The following PRKN variants were observed in gnomAD, a reference collection of about 807,000 sequenced individuals.
The protein encoded by PRKN is E3 ubiquitin-protein ligase parkin.
A neutral mutation model predicts 59.5 loss-of-function variants in PRKN; 56 were observed. The observed-to-expected ratio is 0.94, with a 90% CI of 0.76 to 1.18. The LOEUF (loss-of-function observed/expected upper bound fraction) is 1.18. PRKN is among the 50% of genes most tolerant of loss of function. The pLI is 0.00. For synonymous variants in PRKN, 250 were observed against 222.1 expected (o/e 1.13, Z -1.12); for missense variants, 657 against 596.4 (o/e 1.10, Z -1.06).
At chr6:161,682,300 G>A (rs919302953) in intron 7 of PRKN, among the ~76,000 whole-genome samples, 18 of 152,210 alleles carry the variant, frequency 1.2e-4, no homozygotes, top group Admixed American at 2.6e-4. Context: ...GGGTGATGCC[G>A]GGGAGGAAAA....
intron 3 of PRKN, among the ~76,000 whole-genome samples, chr6:162,236,080 A>G (rs189119087): frequency 1.3e-5 from 2 of 152,274 alleles, no homozygotes; most frequent in African/African-American, 2.4e-5. Context: ...CCCTTTCCCC[A>G]TATGAATTAG....
chr6:162,500,658 G>A (rs1793322941), intron 1 of PRKN, among the ~76,000 whole-genome samples: 1 of 152,150 alleles, frequency 6.6e-6, no homozygotes, highest in Non-Finnish European at 1.5e-5. Context: ...AGTGCTTTCA[G>A]ACACAAAGAA....
In PRKN at chr6:161,446,401, C is replaced by T. The variant is rs951580685; in HGVS notation, c.1084-59524G>A. 1.1e-4 allele frequency among the ~76,000 whole-genome samples: 16 copies of T among 152,084 alleles called. No homozygotes were observed. Among genetic ancestry groups the T allele is most frequent in the African/African-American group, 3.6e-4 (15 of 41,408 alleles). On this transcript the variant is annotated intron_variant, in intron 9 of 11. Transcript: ENST00000366898. This position sits in a 1 kb window ranked among gnomAD's most constrained non-coding sequence, Gnocchi z 6.2. ...AGCAGACACTGAGACCCAAAGGGGCCTGGCTTGGGACCTATGCAGCTGTGG... is the reference window on the plus strand; with the variant it reads ...AGCAGACACTGAGACCCAAAGGGGCTTGGCTTGGGACCTATGCAGCTGTGG...
At chr6:162,164,922 T>C (rs2128317803) in intron 4 of PRKN, among the ~76,000 whole-genome samples, 1 of 148,918 alleles carries the variant, frequency 6.7e-6, no homozygotes, top group African/African-American at 2.5e-5. Context: ...AAATTCCAAA[T>C]CTTTATGTCA....
rs371132717 is a variant in PRKN at position 162,036,970 on chromosome 6, T to C, written c.618+17121A>G. Among the ~76,000 whole-genome samples, 6 of 152,312 alleles carry C rather than the reference T, an allele frequency of 3.9e-5. No homozygotes were observed. The South Asian group carries it at 1.2e-3, about 32-fold the overall frequency. On this transcript the variant is annotated intron_variant, in intron 5 of 11. Coordinates refer to ENST00000366898, the MANE Select transcript of PRKN (RefSeq NM_004562.3). Reference sequence around the variant, plus strand: ...GCAATTTTACATGAGATGTCATGTTTCACCTAAATAATTGGAAAAATTAAA... The same window carrying C: ...GCAATTTTACATGAGATGTCATGTTCCACCTAAATAATTGGAAAAATTAAA...
At chr6:161,725,794 G>T (rs1787417249) in intron 7 of PRKN, among the ~76,000 whole-genome samples, 1 of 152,212 alleles carries the variant, frequency 6.6e-6, no homozygotes, top group Non-Finnish European at 1.5e-5. Flanking sequence ...TAAATGAGAT[G>T]ATTTTGGCAA....
intron 4 of PRKN, among the ~76,000 whole-genome samples, chr6:162,087,796 G>A (rs1280263091): frequency 1.3e-5 from 2 of 152,052 alleles, no homozygotes; most frequent in Admixed American, 1.3e-4. Flanking sequence ...GTTTCACCAT[G>A]TTGGTCAGGC....
At chr6:162,530,137 TAA>T (rs34337550) in intron 1 of PRKN, among the ~76,000 whole-genome samples, 49,557 of 120,770 alleles carry the variant, frequency 0.41, 9,845 homozygotes, top group Middle Eastern at 0.56. Context: ...TCAGTCTCAA[TAA>T]AAAAAAAAAA....
intron 4 of PRKN, among the ~76,000 whole-genome samples, chr6:162,129,685 C>G (rs1223119571): frequency 6.6e-6 from 1 of 152,046 alleles, no homozygotes; most frequent in Non-Finnish European, 1.5e-5. Context: ...ATATTTAACA[C>G]TTTACTATAA....
In PRKN at chr6:161,545,564, C is replaced by T; in HGVS notation, c.1083+3290G>A. ...CAGACAATGGCTTTCCATTACACTC[C>T]TTAAACCCAGAAAAGATGGGCAGCT... On this transcript the variant is annotated intron_variant, in intron 9 of 11. Coordinates refer to ENST00000366898, the MANE Select transcript of PRKN (RefSeq NM_004562.3). This position sits in a 1 kb window ranked among gnomAD's most constrained non-coding sequence, Gnocchi z 4.1. The T allele has an allele frequency of 1.4e-6, 1 of 715,906 alleles. No homozygotes were observed. The highest frequency in any genetic ancestry group is 1.8e-5 in the African/African-American group (1 of 56,696). 44.3% of individuals were successfully genotyped at this position (715,906 alleles called of 1,614,324 possible).
chr6:161,663,121 T>A (rs975116336), intron 7 of PRKN, among the ~76,000 whole-genome samples: 2 of 152,222 alleles, frequency 1.3e-5, no homozygotes, highest in Non-Finnish European at 2.9e-5. Flanking sequence ...TTGCTCCTCC[T>A]TTGCCTTCTG....
intron 7 of PRKN, among the ~76,000 whole-genome samples, chr6:161,773,874 A>C (rs1789799808): frequency 6.6e-6 from 1 of 152,184 alleles, no homozygotes; most frequent in African/African-American, 2.4e-5. Flanking sequence ...GTCGAAATTC[A>C]AGGAAAGTAA....
intron 7 of PRKN, among the ~76,000 whole-genome samples, chr6:161,585,629 G>A (rs1238473961): frequency 6.6e-6 from 1 of 152,166 alleles, no homozygotes; most frequent in Non-Finnish European, 1.5e-5. Context: ...CTTGTCCCTG[G>A]AGTGGATGTA....
At chr6:161,893,191 C>T (rs1349526359) in intron 6 of PRKN, among the ~76,000 whole-genome samples, 1 of 152,132 alleles carries the variant, frequency 6.6e-6, no homozygotes, top group African/African-American at 2.4e-5. Context: ...TTATACATTC[C>T]CCTTTTATAG....
At chr6:162,627,472 A>T (rs1447867903) in intron 1 of PRKN, among the ~76,000 whole-genome samples, 1 of 152,168 alleles carries the variant, frequency 6.6e-6, no homozygotes, top group African/African-American at 2.4e-5. Flanking sequence ...ATGAGGAGTT[A>T]TCAGTGGCTT....
At chr6:162,145,488 T>A (rs1242661191) in intron 4 of PRKN, among the ~76,000 whole-genome samples, 2 of 152,110 alleles carry the variant, frequency 1.3e-5, no homozygotes, top group East Asian at 3.9e-4. Context: ...TAGTGGAGAG[T>A]CTTGCCTGCA....
intron 3 of PRKN, among the ~76,000 whole-genome samples, chr6:162,214,484 A>G (rs1314765910): frequency 6.6e-6 from 1 of 152,166 alleles, no homozygotes; most frequent in African/African-American, 2.4e-5. Flanking sequence ...TCATTTTTAA[A>G]TCTTATTTAC....
At chr6:162,458,125 A>G (rs1204536743) in intron 1 of PRKN, among the ~76,000 whole-genome samples, 4 of 149,484 alleles carry the variant, frequency 2.7e-5, no homozygotes, top group Admixed American at 6.7e-5. Context: ...GTGGTGGCAC[A>G]CACCTGTAAT....
At chr6:161,370,389 G>C (rs1785392314) in intron 10 of PRKN, among the ~76,000 whole-genome samples, 1 of 148,698 alleles carries the variant, frequency 6.7e-6, no homozygotes, top group Non-Finnish European at 1.5e-5. Context: ...AACCATCCTG[G>C]CTAACACGAT....
Sources: allele counts gnomAD v4.1 joint callset (sites outside exome capture counted in the v4.1 genomes callset), GRCh38; gene constraint gnomAD v4.1.1; non-coding constraint Gnocchi (gnomAD v3.1); transcripts MANE v1.5; gene names NCBI Gene and HGNC (gene_info 2026-07-23, HGNC 2026-07-21).